PDE4D: variants seen among roughly 807,000 people sequenced by gnomAD.
The protein encoded by PDE4D is phosphodiesterase 4D.
PDE4D carries 24 observed loss-of-function variants against 87.4 expected under a neutral mutation model. That is an observed-to-expected ratio of 0.27 (90% CI 0.20 to 0.39). The LOEUF (loss-of-function observed/expected upper bound fraction) is 0.39. Among genes scored for constraint, PDE4D ranks in the 10% least tolerant of loss-of-function variants. The probability of loss-of-function intolerance (pLI) is 1.00; values close to 1 mark genes in which losing one functional copy is unlikely to be tolerated. For synonymous variants in PDE4D, 384 were observed against 383.2 expected (o/e 1.00, Z -0.02); for missense variants, 714 against 1,041.0 (o/e 0.69, Z 4.32).
intron 1 of PDE4D, among the ~76,000 whole-genome samples, chr5:59,564,536 C>T (rs576721952): frequency 1.8e-4 from 28 of 152,298 alleles, no homozygotes; most frequent in African/African-American, 6.7e-4. Context: ...AACCCATTCT[C>T]TTTTTGGTGA....
At chr5:59,028,263 C>T (rs1345988262) in intron 6 of PDE4D, among the ~76,000 whole-genome samples, 4 of 151,674 alleles carry the variant, frequency 2.6e-5, no homozygotes, top group Non-Finnish European at 4.4e-5. Context: ...TATAAAACAC[C>T]ACCAAAAAAA....
chr5:60,284,942 A>T (rs1752278027), intron 1 of PDE4D, among the ~76,000 whole-genome samples: 1 of 151,962 alleles, frequency 6.6e-6, no homozygotes, highest in African/African-American at 2.4e-5. Flanking sequence ...TCTTAGTTAG[A>T]TTTCTACAAT....
chr5:60,393,047 G>C (rs1199333890), intron 1 of PDE4D, among the ~76,000 whole-genome samples: 2 of 152,200 alleles, frequency 1.3e-5, no homozygotes, highest in African/African-American at 2.4e-5. Context: ...AGTAAACAAA[G>C]CTTTGATTGT....
chr5:59,351,403 A>T (rs1328224401), intron 1 of PDE4D, among the ~76,000 whole-genome samples: 1 of 152,204 alleles, frequency 6.6e-6, no homozygotes, highest in African/African-American at 2.4e-5. Flanking sequence ...TTTAGCCAAC[A>T]TTACTCACAA....
intron 2 of PDE4D, among the ~76,000 whole-genome samples, chr5:60,140,097 C>T (rs1780399972): frequency 6.6e-6 from 1 of 151,744 alleles, no homozygotes; most frequent in Non-Finnish European, 1.5e-5. Flanking sequence ...TTGTTTTGGT[C>T]CTGTAATTAA....
chr5:60,066,069 T>C (rs1228568706), intron 2 of PDE4D, among the ~76,000 whole-genome samples: 1 of 152,194 alleles, frequency 6.6e-6, no homozygotes, highest in African/African-American at 2.4e-5. Context: ...AAAGTGTTCC[T>C]ATTTCTCCAC....
intron 1 of PDE4D, among the ~76,000 whole-genome samples, chr5:59,670,837 AC>A (rs1258055789): frequency 6.6e-6 from 1 of 151,898 alleles, no homozygotes; most frequent in Non-Finnish European, 1.5e-5. Flanking sequence ...GAGAGTTTTT[AC>A]TTTTTTTTTT....
At chr5:59,087,565 A>C (rs754009515) in intron 5 of PDE4D, among the ~76,000 whole-genome samples, 36 of 152,180 alleles carry the variant, frequency 2.4e-4, no homozygotes, top group Admixed American at 7.2e-4. Flanking sequence ...TGAAGAATAT[A>C]ATAAACCCTA....
At chr5:59,180,781 A>C (rs1741336274) in intron 4 of PDE4D, 137 bp from the exon 5 acceptor site, 2 of 815,590 alleles carry the variant, frequency 2.5e-6, no homozygotes, top group South Asian at 1.6e-5. Flanking sequence ...TTTCTTTCAG[A>C]CTAGCCAGAC....
chr5:59,398,779 G>A (rs1418923797), intron 1 of PDE4D, among the ~76,000 whole-genome samples: 1 of 119,958 alleles, frequency 8.3e-6, no homozygotes, highest in Non-Finnish European at 1.7e-5. Context: ...TAGGAAAAGA[G>A]GAAGTCAAAT....
At chr5:60,509,699 C>T (rs1473673619) in intron 1 of PDE4D, among the ~76,000 whole-genome samples, 1 of 152,206 alleles carries the variant, frequency 6.6e-6, no homozygotes, top group African/African-American at 2.4e-5. Flanking sequence ...TTTTCTCTCC[C>T]AGTTGTACCT....
At chr5:59,101,225 A>G (rs1417377401) in intron 5 of PDE4D, among the ~76,000 whole-genome samples, 1 of 152,086 alleles carries the variant, frequency 6.6e-6, no homozygotes, top group African/African-American at 2.4e-5. Flanking sequence ...TCTCCCGACA[A>G]TACACCATGG....
chr5:60,039,079 A>G lies in PDE4D; in HGVS notation c.43-50362T>C, dbSNP rs1234050924. On this transcript the variant is annotated intron_variant, in intron 2 of 16. Coordinates refer to the PDE4D transcript ENST00000502484. ...AAATACCATTTGACCCAGCCATGCC[A>G]TTACTGGGTATATACCCAAAGGACT... Among the ~76,000 whole-genome samples the G allele has an allele frequency of 2.2e-4, 33 of 151,648 alleles. 1 individual carries two copies. The highest frequency in any genetic ancestry group is 1.9e-3 in the Admixed American group (29 of 15,246).
At chr5:59,603,394 C>T (rs948425970) in intron 1 of PDE4D, among the ~76,000 whole-genome samples, 20 of 151,896 alleles carry the variant, frequency 1.3e-4, no homozygotes, top group Non-Finnish European at 2.4e-4. Flanking sequence ...ATATGAAAAA[C>T]TATTCCACAT....
At chr5:59,103,490 CA>C (rs11448342) in intron 5 of PDE4D, among the ~76,000 whole-genome samples, 124 of 142,068 alleles carry the variant, frequency 8.7e-4, no homozygotes, top group Admixed American at 7.0e-4. Flanking sequence ...CTTAAAAAAG[CA>C]AAAAAAAAAA....
In PDE4D at chr5:60,476,869, T is replaced by C. The variant is rs375231743; in HGVS notation, c.-90+11073A>G. Among the ~76,000 whole-genome samples, 13 of 152,350 alleles carry C rather than the reference T, an allele frequency of 8.5e-5. No homozygotes were observed. The South Asian group carries it at 1.9e-3, about 22-fold the overall frequency. ...CTTATCACGGCCAAGCATTAAATTATGTATTCACACATTTGTTTAATGTCT... is the reference window on the plus strand; with the variant it reads ...CTTATCACGGCCAAGCATTAAATTACGTATTCACACATTTGTTTAATGTCT... On this transcript the variant is annotated intron_variant, in intron 1 of 16. Transcript: ENST00000502484.
At chr5:59,803,856 A>G (rs975999608) in intron 1 of PDE4D, among the ~76,000 whole-genome samples, 1 of 152,218 alleles carries the variant, frequency 6.6e-6, no homozygotes, top group Admixed American at 6.5e-5. Flanking sequence ...AATAGGAAAT[A>G]GAAAATTAGT....
At position 59,274,586 on chromosome 5, in the gene PDE4D, A is replaced by G. The variant is rs185406311; in HGVS notation, c.456-58618T>C. Among the ~76,000 whole-genome samples, 80 of 152,258 alleles carry G rather than the reference A, an allele frequency of 5.3e-4. No individual in the cohort carries two copies. The East Asian group carries it at 0.014, about 27-fold the overall frequency. ...CAATCACTAAGAAAAACAAAATAAG[A>G]CTAACCCCTAAAATAGCCATAAAAG... On this transcript the variant is annotated intron_variant, in intron 1 of 14. Transcript: ENST00000340635.
At chr5:60,105,628 T>C (rs563773900) in intron 2 of PDE4D, among the ~76,000 whole-genome samples, 1,646 of 151,086 alleles carry the variant, frequency 0.011, 26 homozygotes, top group Non-Finnish European at 9.8e-3. Flanking sequence ...TTGGGTTACC[T>C]ACAAAGGGAA....
Sources: allele counts gnomAD v4.1 joint callset (sites outside exome capture counted in the v4.1 genomes callset), GRCh38; gene constraint gnomAD v4.1.1; transcripts MANE v1.5; gene names NCBI Gene and HGNC (gene_info 2026-07-23, HGNC 2026-07-21).